MYO16: variants seen among roughly 807,000 people sequenced by gnomAD.
MYO16 encodes myosin XVI, also known as unconventional myosin-XVI.
Under a neutral mutation model 205.3 loss-of-function variants are expected in MYO16, and 94 were observed. That is an observed-to-expected ratio of 0.46 (90% CI 0.39 to 0.54). MYO16 has a LOEUF of 0.54. MYO16 is among the 20% of genes least tolerant of loss of function. The probability of loss-of-function intolerance (pLI) is 0.00; values close to 1 mark genes in which losing one functional copy is unlikely to be tolerated. For synonymous variants in MYO16, 988 were observed against 954.0 expected, an observed-to-expected ratio of 1.04 and a Z score of -0.66; for missense variants, 2,315 against 2,387.5, an observed-to-expected ratio of 0.97 and a Z score of 0.63.
At chr13:108,780,557 G>T (rs769322692) in intron 4 of MYO16, among the ~76,000 whole-genome samples, 4 of 152,120 alleles carry the variant, frequency 2.6e-5, no homozygotes, top group Non-Finnish European at 4.4e-5. Flanking sequence ...GTAAGTAGGA[G>T]TATAGTGATT....
At chr13:108,766,980 A>T (rs1209240240) in intron 4 of MYO16, among the ~76,000 whole-genome samples, 1 of 152,198 alleles carries the variant, frequency 6.6e-6, no homozygotes, top group Non-Finnish European at 1.5e-5. Flanking sequence ...ATTGCCTGGA[A>T]ATAGATAAAT....
chr13:108,496,176 G>A, the MYO16 span, among the ~76,000 whole-genome samples: 1 of 152,042 alleles, frequency 6.6e-6, no homozygotes, highest in Non-Finnish European at 1.5e-5. Context: ...GGAATCGCGG[G>A]GACTTCCCAA....
chr13:108,972,091 CCA>C (rs1459990456), intron 20 of MYO16, among the ~76,000 whole-genome samples: 1 of 147,790 alleles, frequency 6.8e-6, no homozygotes, highest in African/African-American at 2.5e-5. Flanking sequence ...ACCTGTGGTC[CCA>C]GCTACTTGGG....
At chr13:108,586,631 C>T in the MYO16 span, among the ~76,000 whole-genome samples, 1 of 152,130 alleles carries the variant, frequency 6.6e-6, no homozygotes, top group Non-Finnish European at 1.5e-5. Flanking sequence ...TTTTAAGCAT[C>T]AAATGTCATG....
At chr13:108,986,544 C>A (rs1381262670) in intron 20 of MYO16, among the ~76,000 whole-genome samples, 6 of 148,384 alleles carry the variant, frequency 4.0e-5, no homozygotes, top group African/African-American at 1.2e-4. Flanking sequence ...ATCACTTGAA[C>A]CCGGGAGGCG....
intron 10 of MYO16, among the ~76,000 whole-genome samples, chr13:108,852,223 C>CT (rs1329171091): frequency 2.6e-5 from 4 of 152,178 alleles, no homozygotes; most frequent in Admixed American, 2.6e-4. Context: ...CTAACTTCTC[C>CT]CCCCAGCCCC....
intron 1 of MYO16, among the ~76,000 whole-genome samples, chr13:108,611,140 C>G (rs1242741090): frequency 1.3e-5 from 2 of 151,982 alleles, no homozygotes; most frequent in Non-Finnish European, 2.9e-5. Context: ...AGATTTGAGT[C>G]CACGTAATTT....
intron 4 of MYO16, among the ~76,000 whole-genome samples, chr13:108,750,064 G>T (rs1203338869): frequency 1.6e-5 from 2 of 124,114 alleles, no homozygotes; most frequent in East Asian, 5.8e-4. Flanking sequence ...GCTATAGAGA[G>T]AATAAAAAAA....
intron 34 of MYO16, among the ~76,000 whole-genome samples, chr13:109,181,816 A>AT (rs61381548): frequency 0.017 from 2,118 of 126,160 alleles, 54 homozygotes; most frequent in African/African-American, 0.069. Context: ...TTATTTATTT[A>AT]TTTTATTTTA....
rs149932257 is a variant in MYO16 at position 108,983,309 on chromosome 13, G to A, written c.2370-9067G>A. On this transcript the variant is annotated intron_variant, in intron 20 of 34. Coordinates refer to ENST00000457511, the MANE Select transcript of MYO16 (RefSeq NM_001198950.3). The stretch of plus-strand genomic sequence containing the variant: ...TCCATCTGAATCTCACGTGAGAACC[G>A]TGGGAGGAAGAAAGTGATCAGCCCC... Among the ~76,000 whole-genome samples the A allele has an allele frequency of 2.7e-3, 411 of 152,236 alleles. 1 individual carries two copies. Among genetic ancestry groups the A allele is most frequent in the African/African-American group, 9.5e-3 (394 of 41,532 alleles).
At chr13:109,131,013 G>A (rs1003705548) in intron 31 of MYO16, among the ~76,000 whole-genome samples, 5 of 151,906 alleles carry the variant, frequency 3.3e-5, no homozygotes, top group Admixed American at 2.6e-4. Context: ...TCTACCAAGC[G>A]GTGATACTGA....
chr13:108,752,813 T>A (rs1469520994), intron 4 of MYO16, among the ~76,000 whole-genome samples: 1 of 139,466 alleles, frequency 7.2e-6, no homozygotes, highest in Non-Finnish European at 1.6e-5. Flanking sequence ...AGCTAATTTT[T>A]TTTTTTTTTT....
At chr13:108,887,164 G>A (rs758607491) in intron 13 of MYO16, among the ~76,000 whole-genome samples, 1 of 151,978 alleles carries the variant, frequency 6.6e-6, no homozygotes, top group Non-Finnish European at 1.5e-5. Context: ...TACCAGACCA[G>A]AAAAAATTTC....
At chr13:108,891,878 G>C (rs957810136) in intron 14 of MYO16, among the ~76,000 whole-genome samples, 1 of 152,122 alleles carries the variant, frequency 6.6e-6, no homozygotes, top group African/African-American at 2.4e-5. Context: ...TGTTTCTGTG[G>C]CACCTGCTTT....
At chr13:108,614,268 G>A (rs9788325) in intron 1 of MYO16, among the ~76,000 whole-genome samples, 1,830 of 152,108 alleles carry the variant, frequency 0.012, 44 homozygotes, top group South Asian at 0.086. Flanking sequence ...TAAATTAACA[G>A]AACAAGTGCA....
intron 16 of MYO16, among the ~76,000 whole-genome samples, chr13:108,935,021 C>G (rs1166890558): frequency 2.0e-5 from 3 of 152,004 alleles, no homozygotes; most frequent in African/African-American, 7.2e-5. Flanking sequence ...TTGGGTTACT[C>G]TAGCCTTAGA....
Position 109,179,728 on chromosome 13 carries a change from G to T in MYO16, c.5415+95G>T. 3.0e-6 allele frequency: 3 copies of T among 990,730 alleles called. No individual in the cohort carries two copies. In the South Asian group the frequency reaches 4.2e-5, roughly 14 times the overall value. The allele number at this position is 990,730 out of a possible 1,614,324, so 61.4% of individuals were successfully genotyped here. A position where few individuals can be genotyped will look rare whatever the true frequency, so the allele number is the denominator to read the frequency against. Reference sequence around the variant, plus strand: ...TTGTTACCAATAGATGCTCTGTGTGGACTGGAGGGCTCAGCTGTTCTCACC... The same window carrying T: ...TTGTTACCAATAGATGCTCTGTGTGTACTGGAGGGCTCAGCTGTTCTCACC... On this transcript the variant is annotated intron_variant, in intron 34 of 34. Coordinates refer to ENST00000457511, the MANE Select transcript of MYO16 (RefSeq NM_001198950.3).
intron 23 of MYO16, among the ~76,000 whole-genome samples, chr13:109,040,385 C>CACACACAGAGAGAGAGAGAGAG (rs1394314811): frequency 5.3e-4 from 60 of 113,282 alleles, no homozygotes; most frequent in Non-Finnish European, 7.1e-4. Flanking sequence ...CACACACACA[C>CACACACAGAGAGAGAGAGAGAG]AGAGAGAGAG....
chr13:108,657,762 T>A (rs1402711553), intron 1 of MYO16, among the ~76,000 whole-genome samples: 1 of 152,198 alleles, frequency 6.6e-6, no homozygotes, highest in Non-Finnish European at 1.5e-5. Flanking sequence ...TAGCTAACAG[T>A]ATTTACAATA....
Sources: allele counts gnomAD v4.1 joint callset (sites outside exome capture counted in the v4.1 genomes callset), GRCh38; gene constraint gnomAD v4.1.1; transcripts MANE v1.5; gene names NCBI Gene and HGNC (gene_info 2026-07-23, HGNC 2026-07-21).